The following TRAPPC9 variants were observed in gnomAD, a reference collection of about 807,000 sequenced individuals.
The protein encoded by TRAPPC9 is IKK2 binding protein.
TRAPPC9 carries 83 observed loss-of-function variants against 124.0 expected under a neutral mutation model. The observed-to-expected ratio is 0.67, with a 90% confidence interval of 0.56 to 0.80. The LOEUF (loss-of-function observed/expected upper bound fraction) is 0.80. Among genes scored for constraint, TRAPPC9 ranks in the 30% least tolerant of loss-of-function variants. The pLI is 0.00. For synonymous variants in TRAPPC9, 638 were observed against 617.5 expected (o/e 1.03, Z -0.49); for missense variants, 1,302 against 1,508.3 (o/e 0.86, Z 2.27).
At chr8:140,413,667 C>A (rs996395999) in intron 5 of TRAPPC9, among the ~76,000 whole-genome samples, 5 of 106,062 alleles carry the variant, frequency 4.7e-5, no homozygotes, top group Non-Finnish European at 5.5e-5. Flanking sequence ...CCCCTCCCCC[C>A]ACCCCACAAC....
At chr8:140,098,994 C>A (rs1270835840) in intron 17 of TRAPPC9, 2 of 152,274 alleles carry the variant, frequency 1.3e-5, no homozygotes, top group Non-Finnish European at 2.9e-5. Flanking sequence ...TCCTCCACAG[C>A]CGTGCACAGG....
chr8:140,350,500 C>T (rs986320060), intron 9 of TRAPPC9, among the ~76,000 whole-genome samples: 7 of 152,316 alleles, frequency 4.6e-5, no homozygotes, highest in South Asian at 2.1e-4. Context: ...ATCCATTTAA[C>T]AGTATTTCTT....
chr8:140,421,315 C>T (rs1221598869), intron 5 of TRAPPC9, among the ~76,000 whole-genome samples: 2 of 152,160 alleles, frequency 1.3e-5, no homozygotes, highest in African/African-American at 4.8e-5. Flanking sequence ...CTCATGGGCA[C>T]TAATTACTTT....
At chr8:140,404,809 T>G (rs2069421460) in intron 6 of TRAPPC9, among the ~76,000 whole-genome samples, 1 of 151,234 alleles carries the variant, frequency 6.6e-6, no homozygotes, top group African/African-American at 2.4e-5. Flanking sequence ...TGTGTGAACA[T>G]GTGTGTATGT....
At chr8:139,853,559 A>G (rs1827625986) in intron 21 of TRAPPC9, among the ~76,000 whole-genome samples, 1 of 152,230 alleles carries the variant, frequency 6.6e-6, no homozygotes. Context: ...GAAGGAAATA[A>G]TAAATGCAAG....
intron 21 of TRAPPC9, among the ~76,000 whole-genome samples, chr8:139,858,651 A>AG (rs1386271856): frequency 6.6e-6 from 1 of 152,056 alleles, no homozygotes; most frequent in Non-Finnish European, 1.5e-5. Context: ...GACACAGGTG[A>AG]GGGGCCCCCT....
intron 21 of TRAPPC9, among the ~76,000 whole-genome samples, chr8:139,755,269 TGAG>T (rs1465951130): frequency 6.6e-6 from 1 of 150,750 alleles, no homozygotes; most frequent in Non-Finnish European, 1.5e-5. Context: ...GGTTTGGGGA[TGAG>T]GACAGCGTGT....
At chr8:140,192,873 G>A (rs181484100) in intron 17 of TRAPPC9, among the ~76,000 whole-genome samples, 1 of 152,252 alleles carries the variant, frequency 6.6e-6, no homozygotes, top group East Asian at 1.9e-4. Flanking sequence ...CACCTCCCAG[G>A]TACAAATGAT....
chr8:140,437,766 C>T (rs557597991), intron 3 of TRAPPC9, among the ~76,000 whole-genome samples: 1 of 152,168 alleles, frequency 6.6e-6, no homozygotes, highest in Non-Finnish European at 1.5e-5. Flanking sequence ...TCAACCTCAA[C>T]GAAAGAACCC....
intron 17 of TRAPPC9, among the ~76,000 whole-genome samples, chr8:140,059,759 T>A (rs185859075): frequency 1.1e-4 from 17 of 152,364 alleles, no homozygotes; most frequent in African/African-American, 3.6e-4. Flanking sequence ...ACACTTCTAA[T>A]TGTGTTGTTT....
intron 9 of TRAPPC9, among the ~76,000 whole-genome samples, chr8:140,312,680 G>C (rs1483851143): frequency 6.6e-6 from 1 of 151,664 alleles, no homozygotes; most frequent in African/African-American, 2.4e-5. Flanking sequence ...GGGCTTCATA[G>C]AGCTCAGGCA....
At chr8:140,332,671 C>G (rs2132010700) in intron 9 of TRAPPC9, among the ~76,000 whole-genome samples, 1 of 152,136 alleles carries the variant, frequency 6.6e-6, no homozygotes, top group South Asian at 2.1e-4. Flanking sequence ...TTATTAGAAT[C>G]TGCACATCTA....
intron 21 of TRAPPC9, among the ~76,000 whole-genome samples, chr8:139,802,306 C>G (rs964651940): frequency 6.6e-6 from 1 of 152,224 alleles, no homozygotes; most frequent in African/African-American, 2.4e-5. Flanking sequence ...CTCCGCTTTG[C>G]TGGCCCCACG....
At chr8:139,888,414 C>T (rs1237250549) in intron 20 of TRAPPC9, among the ~76,000 whole-genome samples, 2 of 152,140 alleles carry the variant, frequency 1.3e-5, no homozygotes, top group African/African-American at 4.8e-5. Flanking sequence ...TTCACAGGGC[C>T]GTCATGAGGA....
At chr8:140,373,653 A>G (rs944430777) in intron 7 of TRAPPC9, among the ~76,000 whole-genome samples, 4 of 151,466 alleles carry the variant, frequency 2.6e-5, no homozygotes, top group African/African-American at 4.9e-5. Context: ...TCACCAGCAT[A>G]TGAGGATATC....
intron 21 of TRAPPC9, among the ~76,000 whole-genome samples, chr8:139,872,163 G>C (rs890164262): frequency 6.6e-6 from 1 of 150,454 alleles, no homozygotes; most frequent in African/African-American, 2.4e-5. Context: ...TGGATGAGTG[G>C]ATGGATGGAT....
At chr8:139,752,027 C>T (rs1819343238) in intron 21 of TRAPPC9, among the ~76,000 whole-genome samples, 1 of 150,932 alleles carries the variant, frequency 6.6e-6, no homozygotes, top group Non-Finnish European at 1.5e-5. Flanking sequence ...CCAAAATCCA[C>T]CACTCATCCA....
At position 140,011,545 on chromosome 8, in the gene TRAPPC9, C is replaced by A. The variant is rs533066156; in HGVS notation, c.2699+12392G>T. On this transcript the variant is annotated intron_variant, in intron 18 of 22. Coordinates refer to ENST00000438773, the MANE Select transcript of TRAPPC9 (RefSeq NM_001160372.4). ...TTTGAGACGGAGTCTCACTCCGTCA[C>A]CAGGCTGGAGTGCAGTGGTACAATC... 6.8e-3 allele frequency among the ~76,000 whole-genome samples: 950 copies of A among 139,128 alleles called. 10 individuals are homozygous for A. The highest frequency in any genetic ancestry group is 0.024 in the African/African-American group (884 of 36,710). The allele number at this position is 139,128 out of a possible 152,430, so 91.3% of individuals were successfully genotyped here.
At position 140,270,403 on chromosome 8, in the gene TRAPPC9, C is replaced by T. The variant is rs964987802; in HGVS notation, c.2278+5255G>A. On this transcript the variant is annotated intron_variant, in intron 15 of 22. Transcript: ENST00000438773. ...TCCCATCAGCCTCATTCTCGAAATG[C>T]GGCTGATAGGGCCATGCCACCAAAT... 5.9e-5 allele frequency among the ~76,000 whole-genome samples: 9 copies of T among 152,178 alleles called. No individual in the cohort carries two copies. In the South Asian group the frequency reaches 1.2e-3, roughly 21 times the overall value.
Sources: allele counts gnomAD v4.1 joint callset (sites outside exome capture counted in the v4.1 genomes callset), GRCh38; gene constraint gnomAD v4.1.1; transcripts MANE v1.5; gene names NCBI Gene and HGNC (gene_info 2026-07-23, HGNC 2026-07-21).